Variants in NFILZ observed in about 807,000 individuals in gnomAD.
The protein encoded by NFILZ is NFIL3 like basic leucine zipper.
intron 3 of NFILZ, among the ~76,000 whole-genome samples, chr19:8,640,613 G>A (rs1183892489): frequency 1.3e-5 from 2 of 152,152 alleles, no homozygotes; most frequent in African/African-American, 2.4e-5. Context: ...GCGACACGAT[G>A]AGAGACAGCA....
intron 1 of NFILZ, among the ~76,000 whole-genome samples, chr19:8,631,842 G>A (rs984585901): frequency 1.6e-4 from 23 of 145,306 alleles, no homozygotes; most frequent in East Asian, 3.9e-4. Flanking sequence ...GTGTGTGTGT[G>A]TGTGTGTGTG....
chr19:8,664,667 TGTGG>T (rs2043053766), intron 3 of NFILZ, among the ~76,000 whole-genome samples: 2 of 152,038 alleles, frequency 1.3e-5, no homozygotes, highest in Admixed American at 1.3e-4. Context: ...CCCGTGGAAA[TGTGG>T]CCCTTCCGAG....
At chr19:8,672,635 AT>A (rs2043093684) in intron 3 of NFILZ, among the ~76,000 whole-genome samples, 1 of 150,372 alleles carries the variant, frequency 6.7e-6, no homozygotes, top group Admixed American at 6.7e-5. Flanking sequence ...TTCAAAAAAA[AT>A]CCATGCATTT....
At chr19:8,667,792 A>C (rs6511830) in intron 3 of NFILZ, among the ~76,000 whole-genome samples, 85,113 of 151,620 alleles carry the variant, frequency 0.56, 26,135 homozygotes, top group African/African-American at 0.81. Context: ...GTGATCCCCC[A>C]ACCTCGGCCT....
At chr19:8,656,711 C>T (rs191687431) in intron 3 of NFILZ, among the ~76,000 whole-genome samples, 81 of 152,346 alleles carry the variant, frequency 5.3e-4, no homozygotes, top group Middle Eastern at 3.4e-3. Context: ...AGCATGGCCT[C>T]CTTGCACTTC....
At chr19:8,656,394 C>CCCCCTTCTTCCTGA (rs2042998891) in intron 3 of NFILZ, among the ~76,000 whole-genome samples, 14 of 66,370 alleles carry the variant, frequency 2.1e-4, no homozygotes, top group African/African-American at 5.7e-4. Context: ...CCTTCTCCCG[C>CCCCCTTCTTCCTGA]AGCCCACCTT....
intron 3 of NFILZ, among the ~76,000 whole-genome samples, chr19:8,672,997 G>A (rs1746308538): frequency 6.6e-6 from 1 of 152,030 alleles, no homozygotes; most frequent in Non-Finnish European, 1.5e-5. Flanking sequence ...GGCCCAGGTG[G>A]GATAGAAAAT....
At chr19:8,642,528 G>T (rs1555746747) in intron 3 of NFILZ, among the ~76,000 whole-genome samples, 2 of 152,122 alleles carry the variant, frequency 1.3e-5, no homozygotes, top group Non-Finnish European at 2.9e-5. Flanking sequence ...TTGGGCCCAT[G>T]CATGTGGCTA....
intron 3 of NFILZ, among the ~76,000 whole-genome samples, chr19:8,656,387 T>TGTGCA (rs2042998507): frequency 4.7e-5 from 3 of 63,232 alleles, no homozygotes; most frequent in Non-Finnish European, 6.4e-5. Context: ...AAGCCCACCT[T>TGTGCA]CTCCCGCAGC....
intron 2 of NFILZ, among the ~76,000 whole-genome samples, chr19:8,633,187 A>C (rs1286772049): frequency 2.0e-5 from 3 of 151,718 alleles, no homozygotes; most frequent in Non-Finnish European, 4.4e-5. Flanking sequence ...TGCCCAGCTA[A>C]TTTTTTGTAT....
intron 3 of NFILZ, among the ~76,000 whole-genome samples, chr19:8,656,609 GC>G (rs2146155510): frequency 6.6e-6 from 1 of 151,714 alleles, no homozygotes; most frequent in South Asian, 2.1e-4. Flanking sequence ...TACGGGTGCA[GC>G]CCCCGTACCT....
At chr19:8,649,660 G>A (rs2042956595) in intron 3 of NFILZ, among the ~76,000 whole-genome samples, 1 of 152,044 alleles carries the variant, frequency 6.6e-6, no homozygotes. Context: ...TGGTTTTCTT[G>A]GTCCAGCCCA....
intron 3 of NFILZ, among the ~76,000 whole-genome samples, chr19:8,673,481 G>T (rs192094147): frequency 3.6e-4 from 55 of 152,326 alleles, no homozygotes; most frequent in Middle Eastern, 6.8e-3. Flanking sequence ...ATGTGGGCAG[G>T]TGTGGAGCCG....
At chr19:8,663,772 A>ATGTGTGTATGTGTG (rs1555749471) in intron 3 of NFILZ, among the ~76,000 whole-genome samples, 1 of 77,026 alleles carries the variant, frequency 1.3e-5, no homozygotes, top group African/African-American at 8.2e-5. Flanking sequence ...GTGTGTGTGT[A>ATGTGTGTATGTGTG]TGTATGTGTG....
At chr19:8,652,987 C>T (rs1221089933) in intron 3 of NFILZ, among the ~76,000 whole-genome samples, 1,041 of 21,094 alleles carry the variant, frequency 0.049, 37 homozygotes, top group East Asian at 0.14. Context: ...TTCCTTCCTT[C>T]CTTCCTTCCT....
At chr19:8,660,694 A>C (rs1555749011) in intron 3 of NFILZ, among the ~76,000 whole-genome samples, 1 of 134,378 alleles carries the variant, frequency 7.4e-6, no homozygotes, top group African/African-American at 2.8e-5. Flanking sequence ...TTGGAGTTCG[A>C]TGGTGCAGTC....
chr19:8,644,519 G>T (rs1568418617), intron 3 of NFILZ, among the ~76,000 whole-genome samples: 1 of 151,586 alleles, frequency 6.6e-6, no homozygotes, highest in Non-Finnish European at 1.5e-5. Context: ...GCTGATTGCA[G>T]TGGAGACCAT....
intron 3 of NFILZ, among the ~76,000 whole-genome samples, chr19:8,638,184 C>T (rs1301742237): frequency 8.5e-5 from 13 of 152,162 alleles, no homozygotes; most frequent in Admixed American, 7.9e-4. Flanking sequence ...GATTCTACAA[C>T]GAACTCATTG....
At chr19:8,658,525 G>A (rs1306016356) in intron 3 of NFILZ, among the ~76,000 whole-genome samples, 1 of 152,108 alleles carries the variant, frequency 6.6e-6, no homozygotes, top group African/African-American at 2.4e-5. Context: ...GTTGGAAGTG[G>A]GGCCGAGAGT....
Sources: gnomAD v4.1 joint callset for allele counts (sites outside exome capture counted in the v4.1 genomes callset) on GRCh38, gnomAD v4.1.1 for gene constraint, MANE v1.5 for transcripts, NCBI Gene and HGNC (gene_info 2026-07-23, HGNC 2026-07-21) for gene names.